CLCN7: variants seen among roughly 807,000 people sequenced by gnomAD.
CLCN7 encodes the protein Cl-/H+ antiporter 7.
CLCN7 carries 60 observed loss-of-function variants against 102.1 expected under a neutral mutation model. The observed-to-expected ratio is 0.59, with a 90% confidence interval of 0.48 to 0.73. The LOEUF is 0.73. Among genes scored for constraint, CLCN7 ranks in the 30% least tolerant of loss-of-function variants. CLCN7 has a pLI of 0.00. For synonymous variants in CLCN7, 560 were observed against 490.5 expected (o/e 1.14, Z -1.87); for missense variants, 962 against 1,125.7 (o/e 0.85, Z 2.08).
At position 1,447,574 on chromosome 16, in the gene CLCN7, G is replaced by A; in HGVS notation, c.2074-6C>T. On this transcript the variant is annotated splice_polypyrimidine_tract_variant and splice_region_variant and intron_variant, in intron 22 of 24. Coordinates refer to ENST00000382745, the MANE Select transcript of CLCN7 (RefSeq NM_001287.6). ...TTGGACCGCTCCACAAACACCTGCG[G>A]GCGGCAGAGCCCTGTGTCAGGCACC... The A allele has an allele frequency of 1.9e-6, 3 of 1,554,074 alleles. No individual in the cohort carries two copies. Among genetic ancestry groups the A allele is most frequent in the Non-Finnish European group, 2.6e-6 (3 of 1,149,038 alleles).
At chr16:1,454,562 C>T in intron 12 of CLCN7, 97 bp from the exon 13 acceptor site, 6 of 1,196,046 alleles carry the variant, frequency 5.0e-6, no homozygotes, top group Non-Finnish European at 6.2e-6. Flanking sequence ...GAGAGCTGTC[C>T]CCACAGAGAG....
At chr16:1,474,698 G>GCCCA in intron 1 of CLCN7, 136 bp downstream of exon 1, 1 of 750,658 alleles carries the variant, frequency 1.3e-6, no homozygotes, top group Non-Finnish European at 1.8e-6. Context: ...GGAGCCCCGG[G>GCCCA]GCGCGTTCCC....
chr16:1,461,775 A>T, intron 2 of CLCN7, 101 bp from the exon 3 acceptor site: 1 of 976,052 alleles, frequency 1.0e-6, no homozygotes, highest in Non-Finnish European at 1.6e-6. Flanking sequence ...CCCGACACCA[A>T]GGACAAGGAC....
chr16:1,448,850 C>G, intron 19 of CLCN7, 84 bp from the exon 20 acceptor site: 1 of 1,594,522 alleles, frequency 6.3e-7, no homozygotes, highest in East Asian at 2.2e-5. Context: ...GCCCAGAGGC[C>G]GCCCCCAGAA....
At chr16:1,474,501 G>C in intron 1 of CLCN7, 1 of 339,094 alleles carries the variant, frequency 2.9e-6, no homozygotes, top group South Asian at 2.6e-5. Flanking sequence ...CACCCCTTTA[G>C]GGCCAGTCTG....
rs565175478 is a variant in CLCN7, at chr16:1,449,712, C to T, written c.1618-385G>A. ...ACCCAGGCATGGAGGCTGCAGAAAG[C>T]GGGGCACGAGGGTCGGTGGGCACAG... On this transcript the variant is annotated intron_variant, in intron 17 of 24. Transcript: ENST00000382745. The T allele has an allele frequency of 1.7e-4, 48 of 287,880 alleles. 1 individual carries two copies. The highest frequency in any genetic ancestry group is 3.5e-4 in the South Asian group (10 of 28,868). The allele number at this position is 287,880 out of a possible 1,614,324, so 17.8% of individuals were successfully genotyped here.
chr16:1,454,259 T>C (rs1264652400), intron 13 of CLCN7, 152 bp downstream of exon 13: 1 of 755,352 alleles, frequency 1.3e-6, no homozygotes, highest in East Asian at 2.7e-5. Flanking sequence ...TCCCCACGTG[T>C]ACTGCCCATG....
chr16:1,445,508 T>C lies in CLCN7; in HGVS notation c.*1123A>G, dbSNP rs918382870. 1.3e-5 allele frequency: 2 copies of C among 152,394 alleles called. No homozygotes were observed. Among genetic ancestry groups the C allele is most frequent in the Non-Finnish European group, 1.5e-5 (1 of 68,098 alleles). The allele number at this position is 152,394 out of a possible 1,614,324, so 9.4% of individuals were successfully genotyped here. On this transcript the variant is annotated 3_prime_UTR_variant, in exon 25 of 25. Coordinates refer to ENST00000382745, the MANE Select transcript of CLCN7 (RefSeq NM_001287.6). The stretch of plus-strand genomic sequence containing the variant: ...CCAGCCCCCCACGGAGGGACCCGTG[T>C]TGCTCTAACAGGGACACTGAAGTTG...
chr16:1,452,639 G>A, intron 15 of CLCN7, 116 bp downstream of exon 15: 2 of 1,120,662 alleles, frequency 1.8e-6, no homozygotes, highest in Non-Finnish European at 1.3e-6. Context: ...GCCAGCCCAT[G>A]CGCTTCTGGA....
intron 1 of CLCN7, 22 bp from the exon 2 acceptor site, chr16:1,465,360 T>G (rs1201586583): frequency 6.2e-7 from 1 of 1,608,056 alleles, no homozygotes; most frequent in African/African-American, 1.3e-5. Flanking sequence ...AGAGAAATCA[T>G]GAGGGCGCTC....
chr16:1,470,650 C>T (rs1446367924), intron 1 of CLCN7, among the ~76,000 whole-genome samples: 4 of 152,206 alleles, frequency 2.6e-5, no homozygotes, highest in Non-Finnish European at 5.9e-5. Context: ...GGGGAACCCT[C>T]CCAGGCTGGC....
chr16:1,460,706 C>A (rs35436553), intron 5 of CLCN7, 110 bp downstream of exon 5: 5 of 1,538,866 alleles, frequency 3.2e-6, no homozygotes, highest in Non-Finnish European at 3.6e-6. Flanking sequence ...CCAGCCTGGC[C>A]GGGCCGCCTC....
intron 2 of CLCN7, among the ~76,000 whole-genome samples, chr16:1,463,406 G>C (rs2038965224): frequency 6.6e-6 from 1 of 152,138 alleles, no homozygotes; most frequent in Non-Finnish European, 1.5e-5. Flanking sequence ...AGCTGAAACG[G>C]GAGGATTGCT....
At chr16:1,450,788 G>C (rs905737773) in intron 16 of CLCN7, 122 bp from the exon 17 acceptor site, 2 of 817,016 alleles carry the variant, frequency 2.4e-6, no homozygotes, top group South Asian at 1.9e-5. Context: ...CTGAGCTCCC[G>C]AGCCCAGCGG....
rs1471612153 is a variant in CLCN7 at position 1,446,393 on chromosome 16, GGA to G, written c.*236_*237del. 5.7e-6 allele frequency: 4 copies of G among 702,402 alleles called. No homozygotes were observed. Among genetic ancestry groups the G allele is most frequent in the Non-Finnish European group, 1.0e-5 (4 of 384,826 alleles). The allele number at this position is 702,402 out of a possible 1,614,324, so 43.5% of individuals were successfully genotyped here. On this transcript the variant is annotated 3_prime_UTR_variant, in exon 25 of 25. Transcript: ENST00000382745. ...CCTGGAGGTAAAGAAACCTAGACGA[GGA>G]GAGTGGAGGCTGGGCCTGCGCAAGG... is the stretch of plus-strand genomic sequence containing the variant.
chr16:1,465,366 C>A (rs752409382), intron 1 of CLCN7, 28 bp from the exon 2 acceptor site: 2 of 1,599,344 alleles, frequency 1.3e-6, no homozygotes, highest in African/African-American at 1.3e-5. Flanking sequence ...ATCATGAGGG[C>A]GCTCAGGCGT....
Position 1,459,121 on chromosome 16 carries a change from C to T in CLCN7, c.661G>A (p.Val221Met), listed in dbSNP as rs765414526. The change falls in exon 7 of 25, where the codon GTG (valine) becomes ATG (methionine). Residue 221 changes from valine (V) to methionine (M), a missense_variant. Around this residue, in one of 2 missense-constraint regions of CLCN7, gnomAD observed 799 missense variants for 988.0 expected, o/e 0.81. Transcript: ENST00000382745. ...CFLNGVKIPHVVRLKTLVIKV... is the reference protein window; with the variant it reads ...CFLNGVKIPHMVRLKTLVIKV... ...CGCACCCTCACCTTGAGCCGCACCA[C>T]GTGGGGGATCTTCACCCCGTTGAGG... 10 of 1,611,848 alleles carry T rather than the reference C, an allele frequency of 6.2e-6. No individual in the cohort carries two copies. The East Asian group carries it at 6.7e-5, about 11-fold the overall frequency.
intron 1 of CLCN7, among the ~76,000 whole-genome samples, chr16:1,472,309 C>T (rs539317186): frequency 4.7e-4 from 71 of 152,282 alleles, no homozygotes; most frequent in African/African-American, 1.7e-3. Context: ...CGGCTCAGTG[C>T]AACCTCTGCC....
rs1170163163 is a variant in CLCN7, at chr16:1,451,522, C to T, written c.1447+101G>A. 11 of 959,448 alleles carry T rather than the reference C, an allele frequency of 1.1e-5. No homozygotes were observed. In the Admixed American group the frequency reaches 2.2e-4, roughly 19 times the overall value. 59.4% of individuals were successfully genotyped at this position (959,448 alleles called of 1,614,324 possible). A position where few individuals can be genotyped will look rare whatever the true frequency, so the allele number is the denominator to read the frequency against. ...ATGATCCATGCTAGGGATGACCCCC[C>T]AGCCCAGGGCTGCAACCTCAGCCCA... On this transcript the variant is annotated intron_variant, in intron 16 of 24. Transcript: ENST00000382745.
Sources: allele counts gnomAD v4.1 joint callset (sites outside exome capture counted in the v4.1 genomes callset), GRCh38; gene constraint gnomAD v4.1.1; regional missense constraint gnomAD v4.1.1; transcripts MANE v1.5; gene names NCBI Gene and HGNC (gene_info 2026-07-23, HGNC 2026-07-21).